The following PRELID2 variants were observed in gnomAD, a reference collection of about 807,000 sequenced individuals.
The protein encoded by PRELID2 is PRELI domain-containing protein 2.
Under a neutral mutation model 28.4 loss-of-function variants are expected in PRELID2, and 25 were observed. That is an observed-to-expected ratio of 0.88 (90% CI 0.64 to 1.23). The LOEUF (loss-of-function observed/expected upper bound fraction) is 1.23. Among genes scored for constraint, PRELID2 ranks in the 50% most tolerant of loss-of-function variants. The pLI is 0.00. For synonymous variants in PRELID2, 76 were observed against 71.6 expected, an observed-to-expected ratio of 1.06 and a Z score of -0.31; for missense variants, 201 against 214.4, an observed-to-expected ratio of 0.94 and a Z score of 0.39.
At chr5:145,477,547 C>T (rs1752114196) in intron 1 of PRELID2, among the ~76,000 whole-genome samples, 3 of 152,156 alleles carry the variant, frequency 2.0e-5, no homozygotes, top group Non-Finnish European at 2.9e-5. Flanking sequence ...AGGCCTAAGA[C>T]ACACCTCTCC....
intron 2 of PRELID2, 147 bp from the exon 3 acceptor site, chr5:145,820,165 G>C (rs1467777739): frequency 1.8e-6 from 1 of 570,452 alleles, no homozygotes; most frequent in Non-Finnish European, 3.1e-6. Flanking sequence ...GCAATGGCAC[G>C]GTCTCGGCTC....
intron 4 of PRELID2, among the ~76,000 whole-genome samples, chr5:145,808,539 G>A (rs1261430921): frequency 6.6e-6 from 1 of 152,152 alleles, no homozygotes; most frequent in African/African-American, 2.4e-5. Context: ...ATCTATTAGA[G>A]AGTGAAGAAT....
At chr5:145,368,611 C>G in the PRELID2 span, among the ~76,000 whole-genome samples, 1 of 151,880 alleles carries the variant, frequency 6.6e-6, no homozygotes, top group Non-Finnish European at 1.5e-5. Context: ...ACGGATCCCT[C>G]TCATATAAAA....
intron 1 of PRELID2, among the ~76,000 whole-genome samples, chr5:145,487,564 C>T (rs1752229199): frequency 6.6e-6 from 1 of 152,126 alleles, no homozygotes; most frequent in African/African-American, 2.4e-5. Context: ...CCTACCAGGA[C>T]AGCTGATCTC....
intron 4 of PRELID2, among the ~76,000 whole-genome samples, chr5:145,810,217 T>G (rs1416116898): frequency 6.6e-6 from 1 of 152,234 alleles, no homozygotes; most frequent in Non-Finnish European, 1.5e-5. Flanking sequence ...TTTTTTCCTC[T>G]TTTCAGATTA....
chr5:145,822,597 T>G (rs916888119), intron 2 of PRELID2, among the ~76,000 whole-genome samples: 13 of 152,222 alleles, frequency 8.5e-5, no homozygotes, highest in Non-Finnish European at 1.6e-4. Context: ...TTTAATCATA[T>G]GCATTTTGCC....
chr5:145,712,520 A>G (rs1218990911), intron 1 of PRELID2, among the ~76,000 whole-genome samples: 1 of 152,216 alleles, frequency 6.6e-6, no homozygotes, highest in African/African-American at 2.4e-5. Context: ...AATTAGATTG[A>G]CCAGCCCTCT....
the PRELID2 span, among the ~76,000 whole-genome samples, chr5:145,372,387 A>C: frequency 6.6e-6 from 1 of 151,804 alleles, no homozygotes; most frequent in Non-Finnish European, 1.5e-5. Context: ...TTTTAGAATA[A>C]GTGCCATGTG....
chr5:145,334,457 T>C, the PRELID2 span, among the ~76,000 whole-genome samples: 1 of 152,212 alleles, frequency 6.6e-6, no homozygotes, highest in African/African-American at 2.4e-5. Context: ...TTAAAAATAC[T>C]TTTGTCTTTT....
chr5:145,429,056 G>C, the PRELID2 span, among the ~76,000 whole-genome samples: 4 of 152,146 alleles, frequency 2.6e-5, no homozygotes, highest in Non-Finnish European at 5.9e-5. Flanking sequence ...AGAAACTCCT[G>C]GGAGCCCTTA....
the PRELID2 span, among the ~76,000 whole-genome samples, chr5:145,415,371 T>A: frequency 6.6e-6 from 1 of 151,906 alleles, no homozygotes; most frequent in Non-Finnish European, 1.5e-5. Flanking sequence ...CATGCTGGTG[T>A]GCTGCACCCA....
the PRELID2 span, among the ~76,000 whole-genome samples, chr5:145,427,774 G>T: frequency 6.6e-6 from 1 of 152,132 alleles, no homozygotes; most frequent in Non-Finnish European, 1.5e-5. Context: ...AGTGCAAAGA[G>T]AATTTGGGCA....
At chr5:145,439,172 G>C in the PRELID2 span, among the ~76,000 whole-genome samples, 1 of 152,100 alleles carries the variant, frequency 6.6e-6, no homozygotes, top group Admixed American at 6.6e-5. Flanking sequence ...GGGATGCTCT[G>C]CAGAATTGCC....
intron 1 of PRELID2, among the ~76,000 whole-genome samples, chr5:145,542,754 TTTC>T (rs1258320762): frequency 2.2e-5 from 3 of 136,608 alleles, no homozygotes; most frequent in African/African-American, 8.5e-5. Flanking sequence ...TTGTAATTTC[TTTC>T]TTTCTTTCTT....
chr5:145,470,661 C>T, downstream of PRELID2, among the ~76,000 whole-genome samples: 2 of 152,192 alleles, frequency 1.3e-5, no homozygotes, highest in East Asian at 3.9e-4. Flanking sequence ...TGTGAAGATG[C>T]AGCCCTAAAT....
At chr5:145,650,531 CATATATATATATATATATATATATATAT>C (rs56324486) in intron 1 of PRELID2, among the ~76,000 whole-genome samples, 38 of 68,714 alleles carry the variant, frequency 5.5e-4, no homozygotes, top group Admixed American at 1.3e-3. Context: ...CACATATATA[CATATATATATATATATATATATATATAT>C]ATATATATAT....
chr5:145,417,676 G>C, the PRELID2 span, among the ~76,000 whole-genome samples: 1 of 152,062 alleles, frequency 6.6e-6, no homozygotes, highest in African/African-American at 2.4e-5. Context: ...TGCAGAAAAA[G>C]CCTTTGACAA....
At chr5:145,677,927 G>A (rs1754852841) in intron 1 of PRELID2, among the ~76,000 whole-genome samples, 1 of 152,124 alleles carries the variant, frequency 6.6e-6, no homozygotes, top group Non-Finnish European at 1.5e-5. Context: ...TGTGGGACAG[G>A]CATTCACATA....
chr5:145,430,593 C>T, the PRELID2 span, among the ~76,000 whole-genome samples: 1 of 152,152 alleles, frequency 6.6e-6, no homozygotes, highest in Non-Finnish European at 1.5e-5. Flanking sequence ...TCAGGGAAAG[C>T]ACATGGATAC....
Sources: allele counts gnomAD v4.1 joint callset (sites outside exome capture counted in the v4.1 genomes callset), GRCh38; gene constraint gnomAD v4.1.1; transcripts MANE v1.5; gene names NCBI Gene and HGNC (gene_info 2026-07-23, HGNC 2026-07-21).